The following SHB variants were observed in gnomAD, a reference collection of about 807,000 sequenced individuals.
SHB encodes SH2 domain-containing adapter protein B.
A neutral mutation model predicts 52.3 loss-of-function variants in SHB; 20 were observed. The ratio of observed to expected loss-of-function variants is 0.38; its 90% CI spans 0.27 to 0.56. The LOEUF (loss-of-function observed/expected upper bound fraction) is 0.56. Among genes scored for constraint, SHB ranks in the 20% least tolerant of loss-of-function variants. The pLI is 0.71. For missense variants in SHB, 825 were observed against 723.3 expected (o/e 1.14, Z -1.61); for synonymous variants, 397 against 316.5 (o/e 1.25, Z -2.70).
At chr9:38,050,030 ATCC>A (rs1323559276) in intron 1 of SHB, among the ~76,000 whole-genome samples, 1 of 152,186 alleles carries the variant, frequency 6.6e-6, no homozygotes, top group East Asian at 1.9e-4. Flanking sequence ...ACCTCAAGTG[ATCC>A]TCCTGTCTTG....
In SHB at chr9:38,068,116, C is replaced by G. The variant is rs1261315953; in HGVS notation, c.530G>C (p.Arg177Pro). The change falls in exon 1 of 6, where the codon CGC (arginine) becomes CCC (proline). Residue 177 changes from arginine to proline, a missense_variant. By Grantham distance (103) the Arg-to-Pro change is moderately radical. Coordinates refer to ENST00000377707, the MANE Select transcript of SHB (RefSeq NM_003028.3). ...ERRPATPAEV[R>P]YISPKHRLIK... ...GAGGCGGTGCTTGGGGGAGATGTAG[C>G]GCACCTCGGCCGGCGTGGCGGGCCG... 6.8e-7 allele frequency: 1 copy of G among 1,466,442 alleles called. No individual in the cohort carries two copies. Among genetic ancestry groups the G allele is most frequent in the Non-Finnish European group, 8.9e-7 (1 of 1,121,104 alleles). The allele number at this position is 1,466,442 out of a possible 1,614,324, so 90.8% of individuals were successfully genotyped here.
chr9:37,987,547 C>G (rs377391840), intron 2 of SHB, among the ~76,000 whole-genome samples: 1 of 152,238 alleles, frequency 6.6e-6, no homozygotes, highest in Admixed American at 6.5e-5. Context: ...GTCCCAGCTC[C>G]AGCTCTGTCC....
rs1821206882 is a variant in SHB at position 38,016,071 on chromosome 9, C to T, written c.778G>A (p.Ala260Thr). 6.2e-7 allele frequency: 1 copy of T among 1,614,072 alleles called. No individual in the cohort carries two copies. The highest frequency in any genetic ancestry group is 1.7e-5 in the Admixed American group (1 of 60,010). The stretch of plus-strand genomic sequence containing the variant: ...TAGCCAGCACTCTCCCCCTTTCCTG[C>T]TTTGCTCTTGAGATCATTCTTGGCA... Reference protein sequence around the residue: ...FDAKNDLKSKAGKGESAGYME... With the variant: ...FDAKNDLKSKTGKGESAGYME... Residue 260 changes from alanine (A) to threonine (T), a missense_variant, in exon 2 of 6, where the codon GCA becomes ACA. Physicochemically the swap from Ala to Thr is moderately conservative, Grantham distance 58. Transcript: ENST00000377707.
At chr9:38,049,931 C>T (rs184894446) in intron 1 of SHB, among the ~76,000 whole-genome samples, 57 of 152,156 alleles carry the variant, frequency 3.7e-4, no homozygotes, top group African/African-American at 1.3e-3. Context: ...TACCAAGTAG[C>T]TGGGATTACA....
intron 1 of SHB, among the ~76,000 whole-genome samples, chr9:38,049,680 C>T (rs921159168): frequency 4.0e-5 from 6 of 150,792 alleles, no homozygotes; most frequent in African/African-American, 1.5e-4. Flanking sequence ...GGTCAAGTGA[C>T]TTGCCCACAG....
At chr9:38,052,031 T>C (rs1316855855) in intron 1 of SHB, among the ~76,000 whole-genome samples, 1 of 152,224 alleles carries the variant, frequency 6.6e-6, no homozygotes, top group African/African-American at 2.4e-5. Context: ...CACTGCTGTC[T>C]TCTGAAGACT....
chr9:37,997,204 C>A (rs745346708), intron 2 of SHB, among the ~76,000 whole-genome samples: 7 of 152,328 alleles, frequency 4.6e-5, no homozygotes, highest in Non-Finnish European at 8.8e-5. Context: ...GCCATGCCGG[C>A]CACAGGCTGT....
At chr9:38,010,020 T>C (rs1821119085) in intron 2 of SHB, among the ~76,000 whole-genome samples, 1 of 152,206 alleles carries the variant, frequency 6.6e-6, no homozygotes. Context: ...TAGTAACATC[T>C]AAAAAGGCGG....
intron 5 of SHB, among the ~76,000 whole-genome samples, chr9:37,932,871 TC>T (rs34243994): frequency 1.3e-5 from 2 of 152,334 alleles, no homozygotes; most frequent in African/African-American, 4.8e-5. Flanking sequence ...TGCCTTGGCC[TC>T]CCAAAGCGCT....
intron 1 of SHB, among the ~76,000 whole-genome samples, chr9:38,023,488 A>C (rs1170825580): frequency 6.6e-6 from 1 of 152,248 alleles, no homozygotes; most frequent in Non-Finnish European, 1.5e-5. Flanking sequence ...ACTTTCAGGC[A>C]GGGTCTCTGC....
At chr9:37,964,796 G>A (rs1053106590) in intron 3 of SHB, among the ~76,000 whole-genome samples, 9 of 152,132 alleles carry the variant, frequency 5.9e-5, no homozygotes, top group African/African-American at 1.7e-4. Context: ...GCATAGTACC[G>A]CCCCCACTGT....
At chr9:37,997,947 G>A (rs1820970089) in intron 2 of SHB, among the ~76,000 whole-genome samples, 1 of 152,206 alleles carries the variant, frequency 6.6e-6, no homozygotes, top group South Asian at 2.1e-4. Flanking sequence ...GGATGGGATG[G>A]GGATGAACAA....
intron 3 of SHB, among the ~76,000 whole-genome samples, chr9:37,960,561 T>C (rs909885025): frequency 2.6e-5 from 4 of 152,196 alleles, no homozygotes; most frequent in African/African-American, 7.2e-5. Context: ...TGGTGGTTGA[T>C]GGAAGAGAGA....
intron 4 of SHB, among the ~76,000 whole-genome samples, chr9:37,949,938 TTTTC>T (rs751340490): frequency 7.9e-5 from 12 of 152,184 alleles, no homozygotes; most frequent in East Asian, 5.8e-4. Context: ...GGAGCAATGC[TTTTC>T]TTTCTTTTTT....
intron 1 of SHB, among the ~76,000 whole-genome samples, chr9:38,026,537 C>T (rs2118103221): frequency 6.6e-6 from 1 of 152,260 alleles, no homozygotes; most frequent in East Asian, 1.9e-4. Flanking sequence ...AAGAGTCACT[C>T]TCTCTTTATT....
chr9:37,975,823 A>AG lies in SHB; in HGVS notation c.839-987dup, dbSNP rs1820646435. Among the ~76,000 whole-genome samples, 4 of 152,238 alleles carry AG rather than the reference A, an allele frequency of 2.6e-5. No individual in the cohort carries two copies. The South Asian group carries it at 6.2e-4, about 24-fold the overall frequency. On this transcript the variant is annotated intron_variant, in intron 2 of 5. Coordinates refer to ENST00000377707, the MANE Select transcript of SHB (RefSeq NM_003028.3). ...AAATTACCATCATGCTTGGCGGCAA[A>AG]GGGGGCTCAGTGTAGGGCCTGGGAG... is the stretch of plus-strand genomic sequence containing the variant.
intron 1 of SHB, among the ~76,000 whole-genome samples, chr9:38,041,127 G>A (rs557129121): frequency 1.3e-5 from 2 of 152,090 alleles, no homozygotes; most frequent in Non-Finnish European, 2.9e-5. Context: ...GTCAAAAGTG[G>A]CCACCACCAA....
intron 1 of SHB, among the ~76,000 whole-genome samples, chr9:38,028,486 C>CA (rs1467112956): frequency 6.6e-6 from 1 of 152,166 alleles, no homozygotes; most frequent in African/African-American, 2.4e-5. Context: ...CACAGAGAAG[C>CA]AAGCCACCCT....
intron 2 of SHB, among the ~76,000 whole-genome samples, chr9:37,989,417 C>A (rs923448325): frequency 2.0e-5 from 3 of 152,160 alleles, no homozygotes; most frequent in Admixed American, 2.0e-4. Context: ...CCACCATGAG[C>A]CCAAGGATCT....
Sources: gnomAD v4.1 joint callset for allele counts (sites outside exome capture counted in the v4.1 genomes callset) on GRCh38, gnomAD v4.1.1 for gene constraint, MANE v1.5 for transcripts, NCBI Gene and HGNC (gene_info 2026-07-23, HGNC 2026-07-21) for gene names.